The following ZFAND3 variants were observed in gnomAD, a reference collection of about 807,000 sequenced individuals.
ZFAND3 encodes AN1-type zinc finger protein 3.
A neutral mutation model predicts 29.6 loss-of-function variants in ZFAND3; 10 were observed. That is an observed-to-expected ratio of 0.34 (90% CI 0.21 to 0.57). ZFAND3 has a LOEUF of 0.57. ZFAND3 is among the 20% of genes least tolerant of loss of function. The pLI, the probability that ZFAND3 is intolerant of heterozygous loss-of-function variation, is 0.86. For missense variants in ZFAND3, 230 were observed against 304.5 expected (o/e 0.76, Z 1.82); for synonymous variants, 128 against 112.6 (o/e 1.14, Z -0.87).
intron 2 of ZFAND3, among the ~76,000 whole-genome samples, chr6:37,959,885 A>C (rs1188098222): frequency 6.6e-6 from 1 of 152,220 alleles, no homozygotes. Context: ...AGAAGGCGAA[A>C]TCTGTATGGA....
At chr6:37,893,939 A>G (rs1009343062) in intron 1 of ZFAND3, among the ~76,000 whole-genome samples, 3 of 151,862 alleles carry the variant, frequency 2.0e-5, no homozygotes, top group African/African-American at 7.3e-5. Flanking sequence ...CCCGTACTAC[A>G]CTGTTACTAA....
intron 5 of ZFAND3, among the ~76,000 whole-genome samples, chr6:38,146,869 C>T (rs1344099967): frequency 2.6e-5 from 4 of 152,082 alleles, no homozygotes; most frequent in Non-Finnish European, 5.9e-5. Context: ...TGCTGCTGAA[C>T]GATAGGGCCA....
At chr6:37,860,223 C>A (rs1305273930) in intron 1 of ZFAND3, among the ~76,000 whole-genome samples, 1 of 141,456 alleles carries the variant, frequency 7.1e-6, no homozygotes, top group Admixed American at 7.4e-5. Context: ...CCCAAAAGGA[C>A]CTGAGGTAAG....
At chr6:37,883,326 GT>G (rs1451107391) in intron 1 of ZFAND3, among the ~76,000 whole-genome samples, 1 of 152,170 alleles carries the variant, frequency 6.6e-6, no homozygotes, top group African/African-American at 2.4e-5. Flanking sequence ...CATCCAGAGA[GT>G]AAGTTTAGCA....
At chr6:37,885,168 A>G (rs972598575) in intron 1 of ZFAND3, among the ~76,000 whole-genome samples, 1 of 125,588 alleles carries the variant, frequency 8.0e-6, no homozygotes, top group Non-Finnish European at 1.9e-5. Flanking sequence ...AATGATTAAC[A>G]TGTTTTTTAG....
intron 1 of ZFAND3, among the ~76,000 whole-genome samples, chr6:37,821,959 A>G (rs980260218): frequency 6.6e-6 from 1 of 152,084 alleles, no homozygotes; most frequent in Non-Finnish European, 1.5e-5. Flanking sequence ...TCAACCTCCC[A>G]AGTAGCTGAG....
intron 2 of ZFAND3, among the ~76,000 whole-genome samples, chr6:37,957,237 A>G (rs1762100038): frequency 6.6e-6 from 1 of 152,146 alleles, no homozygotes; most frequent in South Asian, 2.1e-4. Context: ...GAACTATTCT[A>G]TAACTTGCCA....
intron 5 of ZFAND3, among the ~76,000 whole-genome samples, chr6:38,144,202 TATATATATAATATATAATATATATATATA>T (rs1295534572): frequency 3.2e-4 from 13 of 41,206 alleles, no homozygotes; most frequent in African/African-American, 1.9e-3. Context: ...TATATATATA[TATATATATAATATATAATATATATATATA>T]TTTTTTTTTT....
At chr6:37,927,482 C>T (rs964039097) in intron 1 of ZFAND3, among the ~76,000 whole-genome samples, 16 of 152,186 alleles carry the variant, frequency 1.1e-4, no homozygotes, top group African/African-American at 3.9e-4. Flanking sequence ...TCCCAATATT[C>T]CAACAATAGA....
intron 5 of ZFAND3, among the ~76,000 whole-genome samples, chr6:38,129,624 ACT>A (rs1765705007): frequency 6.6e-6 from 1 of 151,414 alleles, no homozygotes; most frequent in African/African-American, 2.4e-5. Context: ...AGGTCAGTTG[ACT>A]CTAAGTATTC....
At chr6:37,907,274 A>G (rs1740498821) in intron 1 of ZFAND3, among the ~76,000 whole-genome samples, 1 of 152,116 alleles carries the variant, frequency 6.6e-6, no homozygotes, top group Non-Finnish European at 1.5e-5. Context: ...CACCCATTCT[A>G]ACTGTACGTA....
intron 2 of ZFAND3, among the ~76,000 whole-genome samples, chr6:37,964,223 G>A (rs767898730): frequency 6.6e-5 from 10 of 152,184 alleles, no homozygotes; most frequent in Non-Finnish European, 1.2e-4. Flanking sequence ...TTGATGTCCT[G>A]CTCTGATGCC....
intron 2 of ZFAND3, among the ~76,000 whole-genome samples, chr6:38,014,615 C>G (rs1245880624): frequency 1.3e-5 from 2 of 152,208 alleles, no homozygotes; most frequent in African/African-American, 4.8e-5. Flanking sequence ...GCGTGAGCCA[C>G]CATGGCCAGC....
intron 2 of ZFAND3, among the ~76,000 whole-genome samples, chr6:38,004,253 T>G (rs774418556): frequency 2.6e-5 from 4 of 152,166 alleles, no homozygotes; most frequent in Non-Finnish European, 4.4e-5. Flanking sequence ...CTTGTGTATT[T>G]TGAAGGTGAT....
At chr6:37,909,772 C>T (rs1765487959) in intron 1 of ZFAND3, among the ~76,000 whole-genome samples, 2 of 151,994 alleles carry the variant, frequency 1.3e-5, no homozygotes, top group Non-Finnish European at 2.9e-5. Context: ...TAAATACTTC[C>T]ATTTCTTTTC....
rs544003163 is a variant in ZFAND3, at chr6:38,153,678, G to T, written c.*1289G>T. On this transcript the variant is annotated 3_prime_UTR_variant, in exon 6 of 6. Transcript: ENST00000287218. ...CTGCGCACGCCAGGTGGGGAAGGGT[G>T]GGGGTGGGCCTGGTTGCCCCATGTT... The T allele has an allele frequency of 2.1e-5, 21 of 985,300 alleles. No individual in the cohort carries two copies. Among genetic ancestry groups the T allele is most frequent in the South Asian group, 1.4e-4 (3 of 21,284 alleles). The allele number at this position is 985,300 out of a possible 1,614,324, so 61.0% of individuals were successfully genotyped here.
intron 5 of ZFAND3, among the ~76,000 whole-genome samples, chr6:38,119,057 CT>C (rs1231261389): frequency 6.6e-6 from 1 of 152,210 alleles, no homozygotes; most frequent in Non-Finnish European, 1.5e-5. Context: ...CAGGATGTAA[CT>C]TTCCTAGAGT....
intron 1 of ZFAND3, among the ~76,000 whole-genome samples, chr6:37,830,018 TA>T (rs1763831813): frequency 6.6e-6 from 1 of 152,258 alleles, no homozygotes; most frequent in Non-Finnish European, 1.5e-5. Context: ...TCTAGGATTA[TA>T]TATTCTAATA....
chr6:38,121,954 T>C (rs1765542942), intron 5 of ZFAND3, among the ~76,000 whole-genome samples: 1 of 152,244 alleles, frequency 6.6e-6, no homozygotes, highest in Non-Finnish European at 1.5e-5. Flanking sequence ...CCTAAGCCAG[T>C]CTCTGCTAGG....
Sources: allele counts gnomAD v4.1 joint callset (sites outside exome capture counted in the v4.1 genomes callset), GRCh38; gene constraint gnomAD v4.1.1; transcripts MANE v1.5; gene names NCBI Gene and HGNC (gene_info 2026-07-23, HGNC 2026-07-21).